Variants in FHIT observed in about 807,000 individuals in gnomAD.
FHIT encodes bis(5'-adenosyl)-triphosphatase.
A neutral mutation model predicts 17.9 loss-of-function variants in FHIT; 19 were observed. The observed-to-expected ratio is 1.06, with a 90% confidence interval of 0.74 to 1.56. The LOEUF is 1.56. Ranked by LOEUF, FHIT falls within the 40% of genes most tolerant of loss-of-function variation. The probability of loss-of-function intolerance (pLI) is 0.00; values close to 1 mark genes in which losing one functional copy is unlikely to be tolerated. For synonymous variants in FHIT, 81 were observed against 69.7 expected, an observed-to-expected ratio of 1.16 and a Z score of -0.81; for missense variants, 248 against 189.2, an observed-to-expected ratio of 1.31 and a Z score of -1.82.
rs2107428752 is a variant in FHIT, at chr3:60,177,558, G to A, written c.104-163406C>T. ...AGAGGCTTACTGGGATGGGGAAACA[G>A]ACAAATTCCATTTTGTAATACACCA... On this transcript the variant is annotated intron_variant, in intron 5 of 9. Transcript: ENST00000492590. Among the ~76,000 whole-genome samples the A allele has an allele frequency of 2.0e-5, 3 of 152,336 alleles. No homozygotes were observed. The Middle Eastern group carries it at 0.01, about 518-fold the overall frequency.
chr3:60,048,771 G>T (rs1236639677), intron 5 of FHIT, among the ~76,000 whole-genome samples: 1 of 152,142 alleles, frequency 6.6e-6, no homozygotes, highest in Non-Finnish European at 1.5e-5. Context: ...AACGTCCTTT[G>T]ATCTTTTTCA....
intron 5 of FHIT, among the ~76,000 whole-genome samples, chr3:60,484,590 A>G (rs2033756874): frequency 2.0e-5 from 3 of 152,214 alleles, no homozygotes; most frequent in South Asian, 4.1e-4. Context: ...TATTCAATAA[A>G]TGGTTCTGGG....
At chr3:61,157,335 C>T (rs568555958) in intron 2 of FHIT, among the ~76,000 whole-genome samples, 1 of 152,048 alleles carries the variant, frequency 6.6e-6, no homozygotes, top group East Asian at 1.9e-4. Flanking sequence ...ATAAGCTTTG[C>T]GTTTTCATAT....
At chr3:60,767,107 G>T (rs901064628) in intron 4 of FHIT, among the ~76,000 whole-genome samples, 1 of 152,098 alleles carries the variant, frequency 6.6e-6, no homozygotes, top group East Asian at 1.9e-4. Flanking sequence ...GCCTACAAAT[G>T]TTAACAGAAA....
At chr3:59,915,707 A>T (rs1705102128) in intron 8 of FHIT, among the ~76,000 whole-genome samples, 1 of 152,212 alleles carries the variant, frequency 6.6e-6, no homozygotes, top group Admixed American at 6.5e-5. Context: ...TGGGAGGCCA[A>T]GCCAGGAGGA....
intron 8 of FHIT, among the ~76,000 whole-genome samples, chr3:59,868,691 C>T (rs1018163569): frequency 6.6e-6 from 1 of 152,252 alleles, no homozygotes; most frequent in Admixed American, 6.5e-5. Context: ...GCTTAGATGC[C>T]CTCTCCATCG....
intron 2 of FHIT, among the ~76,000 whole-genome samples, chr3:61,076,691 A>G (rs771677678): frequency 5.3e-5 from 8 of 152,196 alleles, no homozygotes; most frequent in Non-Finnish European, 8.8e-5. Flanking sequence ...ACCATGAGCT[A>G]GAAATATACA....
chr3:60,690,310 T>C (rs2040956599), intron 4 of FHIT: 1 of 562,440 alleles, frequency 1.8e-6, no homozygotes, highest in Non-Finnish European at 3.5e-6. Context: ...CTCCACAATA[T>C]CCATGCCTTC....
intron 5 of FHIT, among the ~76,000 whole-genome samples, chr3:60,527,747 G>T (rs906004093): frequency 2.6e-5 from 4 of 152,212 alleles, no homozygotes; most frequent in Non-Finnish European, 5.9e-5. Flanking sequence ...ACACTAGAAA[G>T]TGGGGCTAAT....
At chr3:59,816,407 A>G (rs1027672014) in intron 8 of FHIT, among the ~76,000 whole-genome samples, 2 of 152,224 alleles carry the variant, frequency 1.3e-5, no homozygotes, top group African/African-American at 4.8e-5. Flanking sequence ...GTTTGGGTTT[A>G]TAATACTGTG....
chr3:60,860,015 G>T (rs1202949709), intron 3 of FHIT, among the ~76,000 whole-genome samples: 1 of 147,780 alleles, frequency 6.8e-6, no homozygotes, highest in Non-Finnish European at 1.5e-5. Context: ...TTGCACTCCA[G>T]CCTGGTGAAG....
At chr3:60,888,211 A>G (rs375433401) in intron 3 of FHIT, among the ~76,000 whole-genome samples, 5 of 152,222 alleles carry the variant, frequency 3.3e-5, no homozygotes, top group African/African-American at 1.2e-4. Flanking sequence ...TGGGTTGCAC[A>G]TTAACAGTTA....
chr3:60,223,890 A>T (rs1486430588), intron 5 of FHIT, among the ~76,000 whole-genome samples: 1 of 151,978 alleles, frequency 6.6e-6, no homozygotes, highest in Non-Finnish European at 1.5e-5. Flanking sequence ...CTCATTCTCA[A>T]AGCGGAGTCA....
chr3:60,538,459 C>G (rs1004482221), intron 4 of FHIT, among the ~76,000 whole-genome samples: 2 of 152,092 alleles, frequency 1.3e-5, no homozygotes, highest in Non-Finnish European at 2.9e-5. Flanking sequence ...TCATATGGAA[C>G]CAAAAAAGAA....
intron 5 of FHIT, among the ~76,000 whole-genome samples, chr3:60,203,182 A>T (rs1702996344): frequency 6.6e-6 from 1 of 152,174 alleles, no homozygotes; most frequent in Non-Finnish European, 1.5e-5. Flanking sequence ...AGTGTGTGTG[A>T]GTCTTTGCAT....
At chr3:60,516,818 G>T (rs2035177508) in intron 5 of FHIT, among the ~76,000 whole-genome samples, 1 of 152,200 alleles carries the variant, frequency 6.6e-6, no homozygotes, top group African/African-American at 2.4e-5. Flanking sequence ...CTGAGACAAT[G>T]ACAGGGATCA....
intron 3 of FHIT, among the ~76,000 whole-genome samples, chr3:61,000,792 T>G (rs1188971981): frequency 6.6e-6 from 1 of 152,172 alleles, no homozygotes; most frequent in Admixed American, 6.5e-5. Flanking sequence ...CTGCTCCCTC[T>G]GGTCAAATGA....
intron 5 of FHIT, among the ~76,000 whole-genome samples, chr3:60,029,301 C>T (rs1031371138): frequency 3.3e-5 from 5 of 152,130 alleles, no homozygotes; most frequent in African/African-American, 1.2e-4. Flanking sequence ...TCCCACACTG[C>T]TGTATAAGAT....
chr3:60,619,687 T>C lies in FHIT; in HGVS notation c.-17-82708A>G, dbSNP rs1029716392. On this transcript the variant is annotated intron_variant, in intron 4 of 9. Transcript: ENST00000492590. ...ATTGACTCAAAATGAATCACAGACC[T>C]AAATGTAAAATGTAAAACCATAGAA... is the stretch of plus-strand genomic sequence containing the variant. Among the ~76,000 whole-genome samples the C allele has an allele frequency of 9.6e-5, 14 of 145,162 alleles. 1 individual carries two copies. Among genetic ancestry groups the C allele is most frequent in the Admixed American group, 8.9e-4 (13 of 14,620 alleles).
Sources: allele counts gnomAD v4.1 joint callset (sites outside exome capture counted in the v4.1 genomes callset), GRCh38; gene constraint gnomAD v4.1.1; transcripts MANE v1.5; gene names NCBI Gene and HGNC (gene_info 2026-07-23, HGNC 2026-07-21).